The following DMBT1 variants were observed in gnomAD, a reference collection of about 807,000 sequenced individuals.
The protein encoded by DMBT1 is deleted in malignant brain tumors 1.
Under a neutral mutation model 252.9 loss-of-function variants are expected in DMBT1, and 198 were observed. The ratio of observed to expected loss-of-function variants is 0.78; its 90% CI spans 0.70 to 0.88. The LOEUF is 0.88. Ranked by LOEUF, DMBT1 falls within the 40% of genes least tolerant of loss-of-function variation. The pLI is 0.00. For missense variants in DMBT1, 2,432 were observed against 2,404.7 expected (o/e 1.01, Z -0.24); for synonymous variants, 990 against 942.7 (o/e 1.05, Z -0.92).
chr10:122,632,840 ATCTTT>A lies in DMBT1; in HGVS notation c.6368-14_6368-10del. 1 of 1,613,286 alleles carries A rather than the reference ATCTTT, an allele frequency of 6.2e-7. No individual in the cohort carries two copies. The highest frequency in any genetic ancestry group is 8.5e-7 in the Non-Finnish European group (1 of 1,179,674). On this transcript the variant is annotated splice_polypyrimidine_tract_variant and intron_variant, in intron 50 of 55. Coordinates refer to ENST00000338354, the MANE Select transcript of DMBT1 (RefSeq NM_001377530.1). ...CAGGGATGCCAGAAAACTGATCCTG[ATCTTT>A]TCTTTTTGTCAACAGCTCCTTTTCT... is the stretch of plus-strand genomic sequence containing the variant.
chr10:122,626,075 A>G, intron 46 of DMBT1, 110 bp downstream of exon 46: 1 of 879,532 alleles, frequency 1.1e-6, no homozygotes, highest in Non-Finnish European at 2.0e-6. Flanking sequence ...CAATCTGCAC[A>G]TAGCCCTGGC....
chr10:122,619,790 C>T (rs2098043988), intron 42 of DMBT1, among the ~76,000 whole-genome samples: 1 of 152,224 alleles, frequency 6.6e-6, no homozygotes, highest in African/African-American at 2.4e-5. Flanking sequence ...TCAAATACCC[C>T]AGATTTTGCA....
At position 122,591,014 on chromosome 10, in the gene DMBT1, G is replaced by T. The variant is rs895931432; in HGVS notation, c.2137+320G>T. On this transcript the variant is annotated intron_variant, in intron 18 of 55. Coordinates refer to ENST00000338354, the MANE Select transcript of DMBT1 (RefSeq NM_001377530.1). ...TTCCTCACTCCTTCAGACACCCCCA[G>T]ATGCGGCAGGGCCCCATCTACCTCC... Among the ~76,000 whole-genome samples, 19 of 148,606 alleles carry T rather than the reference G, an allele frequency of 1.3e-4. 1 individual carries two copies. The highest frequency in any genetic ancestry group is 4.1e-4 in the African/African-American group (17 of 41,118).
rs914075616 is a variant in DMBT1, at chr10:122,625,942, A to G, written c.5645A>G (p.His1882Arg). The change falls in exon 46 of 56, where the codon CAT becomes CGT. Residue 1882 changes from histidine (H) to arginine (R), a missense_variant. Physicochemically the swap from His to Arg is conservative, Grantham distance 29. Coordinates refer to ENST00000338354, the MANE Select transcript of DMBT1 (RefSeq NM_001377530.1). ...TCATTTTTTTTTCTAGATTGGTGGC[A>G]TCCAACAACTACAACCACTGCAAGT... ...QINSTTTDWWHPTTTTTARPS... is the reference protein window; with the variant it reads ...QINSTTTDWWRPTTTTTARPS... 22 of 1,611,950 alleles carry G rather than the reference A, an allele frequency of 1.4e-5. No homozygotes were observed. The highest frequency in any genetic ancestry group is 1.9e-5 in the Non-Finnish European group (22 of 1,177,992).
chr10:122,580,736 G>C (rs1002328578), intron 10 of DMBT1, 130 bp from the exon 11 acceptor site: 36 of 1,337,488 alleles, frequency 2.7e-5, no homozygotes, highest in Non-Finnish European at 3.6e-5. Context: ...GCATGGCAAT[G>C]TCCCTCCCTG....
intron 6 of DMBT1, 72 bp downstream of exon 6, chr10:122,573,834 A>G: frequency 1.3e-6 from 2 of 1,568,236 alleles, no homozygotes; most frequent in Admixed American, 1.7e-5. Flanking sequence ...TCTGATTCAG[A>G]TGAGGTGCAG....
chr10:122,600,914 C>G (rs1037635821), intron 27 of DMBT1, 77 bp from the exon 28 acceptor site: 3 of 663,086 alleles, frequency 4.5e-6, no homozygotes, highest in Non-Finnish European at 8.2e-6. Context: ...GGTGGATTCC[C>G]CCTCCCAGAG....
intron 50 of DMBT1, among the ~76,000 whole-genome samples, 165 bp downstream of exon 50, chr10:122,632,040 C>A (rs2098169424): frequency 6.6e-6 from 1 of 152,186 alleles, no homozygotes; most frequent in African/African-American, 2.4e-5. Context: ...ATAGTGTGCC[C>A]CTCTCTGTGC....
chr10:122,591,011 C>G (rs1216830571), intron 18 of DMBT1, among the ~76,000 whole-genome samples: 1 of 148,616 alleles, frequency 6.7e-6, no homozygotes, highest in Non-Finnish European at 1.5e-5. Context: ...TCAGACACCC[C>G]CAGATGCGGC....
Position 122,584,327 on chromosome 10 carries a change from C to T in DMBT1, c.1396C>T (p.His466Tyr). Residue 466 changes from histidine to tyrosine, a missense_variant, in exon 14 of 56, where the codon CAC becomes TAC. His to Tyr is a moderately conservative substitution (Grantham distance 83, BLOSUM62 2). Coordinates refer to ENST00000338354, the MANE Select transcript of DMBT1 (RefSeq NM_001377530.1). ...TGACCTCCTCTTTCTCACAGCTGCC[C>T]ACTCCTGGTCGACGCCCAGTCCAGG... ...EDAGVICSAA[H>Y]SWSTPSPDTL... The T allele has an allele frequency of 1.8e-6, 1 of 548,622 alleles. No individual in the cohort carries two copies. Among genetic ancestry groups the T allele is most frequent in the Non-Finnish European group, 3.0e-6 (1 of 333,578 alleles). 34.0% of individuals were successfully genotyped at this position (548,622 alleles called of 1,614,324 possible). A position where few individuals can be genotyped will look rare whatever the true frequency, so the allele number is the denominator to read the frequency against.
intron 2 of DMBT1, among the ~76,000 whole-genome samples, chr10:122,568,619 G>A (rs1354196094): frequency 6.6e-6 from 1 of 152,190 alleles, no homozygotes; most frequent in Non-Finnish European, 1.5e-5. Context: ...CTGGTGAATG[G>A]AGGTGACCGG....
intron 25 of DMBT1, among the ~76,000 whole-genome samples, chr10:122,598,225 G>C (rs138354030): frequency 0.01 from 1,591 of 152,194 alleles, 34 homozygotes; most frequent in African/African-American, 0.037. Context: ...GTGGAATCCT[G>C]TTCCAAGTGG....
At position 122,589,087 on chromosome 10, in the gene DMBT1, C is replaced by A. The variant is rs750350217; in HGVS notation, c.1927C>A (p.Leu643Met). The A allele has an allele frequency of 6.3e-7, 1 of 1,588,820 alleles. No individual in the cohort carries two copies. Among genetic ancestry groups the A allele is most frequent in the Non-Finnish European group, 8.6e-7 (1 of 1,165,938 alleles). ...TNDANVVCRQ[L>M]GCGWATSAPG... is the part of the protein sequence containing the mutation. ...TGATGCCAATGTGGTCTGCAGGCAG[C>A]TGGGCTGTGGCTGGGCCACGTCAGC... The change falls in exon 17 of 56, where the codon CTG becomes ATG. Residue 643 changes from leucine to methionine, a missense_variant. By Grantham distance (15) the Leu-to-Met change is conservative. Coordinates refer to ENST00000338354, the MANE Select transcript of DMBT1 (RefSeq NM_001377530.1).
chr10:122,599,058 A>T lies in DMBT1; in HGVS notation c.3241A>T (p.Asn1081Tyr), dbSNP rs781055585. 2.5e-6 allele frequency: 4 copies of T among 1,613,674 alleles called. No homozygotes were observed. The highest frequency in any genetic ancestry group is 3.4e-6 in the Non-Finnish European group (4 of 1,179,762). The change falls in exon 26 of 56, where the codon AAC (asparagine) becomes TAC (tyrosine). Residue 1081 changes from asparagine (N) to tyrosine (Y), a missense_variant. Asn to Tyr is a moderately radical substitution (Grantham distance 143). Coordinates refer to ENST00000338354, the MANE Select transcript of DMBT1 (RefSeq NM_001377530.1). ...CCCCCACAATGGCTGGCTCTCCCAC[A>T]ACTGTGGCCATAGTGAAGACGCTGG... ...SCPHNGWLSH[N>Y]CGHSEDAGVI... is the part of the protein sequence containing the mutation.
At chr10:122,597,084 T>A (rs2097888764) in intron 24 of DMBT1, 30 bp downstream of exon 24, 1 of 463,706 alleles carries the variant, frequency 2.2e-6, no homozygotes, top group Non-Finnish European at 3.6e-6. Context: ...CCTTGGGATG[T>A]CCCTTCTCTT....
intron 44 of DMBT1, among the ~76,000 whole-genome samples, chr10:122,623,203 A>C (rs1254444299): frequency 6.6e-6 from 1 of 152,204 alleles, no homozygotes; most frequent in East Asian, 1.9e-4. Flanking sequence ...TAATGTTTTC[A>C]AGGTTCATTC....
intron 26 of DMBT1, among the ~76,000 whole-genome samples, chr10:122,599,403 T>C (rs2097917627): frequency 6.6e-6 from 1 of 151,828 alleles, no homozygotes; most frequent in African/African-American, 2.4e-5. Flanking sequence ...AGTAGCACGG[T>C]GTGAGGGTAT....
chr10:122,623,880 T>A (rs2098094004), intron 44 of DMBT1, among the ~76,000 whole-genome samples: 1 of 152,206 alleles, frequency 6.6e-6, no homozygotes, highest in South Asian at 2.1e-4. Flanking sequence ...AACTCTGCCA[T>A]TTTTTCTCCA....
In DMBT1 at chr10:122,572,688, G is replaced by A. The variant is rs549437762; in HGVS notation, c.235+327G>A. On this transcript the variant is annotated intron_variant, in intron 5 of 55. Transcript: ENST00000338354. ...TCATCTACATATCCTGAAGTTGGAT[G>A]TGGTGGAGGTAGGCTTCAGTCTCAG... 9.7e-4 allele frequency among the ~76,000 whole-genome samples: 148 copies of A among 152,304 alleles called. 1 individual carries two copies. Among genetic ancestry groups the A allele is most frequent in the Non-Finnish European group, 1.7e-3 (119 of 68,030 alleles).
Sources: gnomAD v4.1 joint callset for allele counts (sites outside exome capture counted in the v4.1 genomes callset) on GRCh38, gnomAD v4.1.1 for gene constraint, MANE v1.5 for transcripts, NCBI Gene and HGNC (gene_info 2026-07-23, HGNC 2026-07-21) for gene names.